Variants in CHSY3 observed in about 807,000 individuals in gnomAD.
The protein encoded by CHSY3 is chondroitin sulfate synthase 3, also known as N-acetylgalactosaminyl-proteoglycan 3-beta-glucuronosyltransferase 3.
In CHSY3, 35 loss-of-function variants were observed where a neutral mutation model predicts 67.2. The ratio of observed to expected loss-of-function variants is 0.52; its 90% CI spans 0.40 to 0.69. The LOEUF (loss-of-function observed/expected upper bound fraction) is 0.69, where lower values mean the gene tolerates loss of function less well. Among genes scored for constraint, CHSY3 ranks in the 30% least tolerant of loss-of-function variants. The pLI is 0.00. For missense variants in CHSY3, 1,069 were observed against 1,138.5 expected, an observed-to-expected ratio of 0.94 and a Z score of 0.88; for synonymous variants, 474 against 434.7, an observed-to-expected ratio of 1.09 and a Z score of -1.12.
intron 2 of CHSY3, chr5:130,001,837 C>A: frequency 1.2e-6 from 1 of 864,316 alleles, no homozygotes; most frequent in Non-Finnish European, 1.4e-6. Flanking sequence ...CTGTAACTGA[C>A]ATTCAGAAAT....
chr5:130,089,608 A>G (rs1169352563), intron 2 of CHSY3, among the ~76,000 whole-genome samples: 1 of 152,152 alleles, frequency 6.6e-6, no homozygotes, highest in Non-Finnish European at 1.5e-5. Flanking sequence ...GTTGAAAAAT[A>G]TTTGTTAAAT....
intron 2 of CHSY3, among the ~76,000 whole-genome samples, chr5:130,045,872 G>A (rs1220603231): frequency 6.6e-6 from 1 of 152,026 alleles, no homozygotes; most frequent in African/African-American, 2.4e-5. Context: ...AAACTTGATT[G>A]CTATGGTAAT....
At chr5:130,085,371 A>C (rs1766581645) in intron 2 of CHSY3, among the ~76,000 whole-genome samples, 1 of 152,064 alleles carries the variant, frequency 6.6e-6, no homozygotes, top group Non-Finnish European at 1.5e-5. Context: ...CAGTGTCAGA[A>C]AAAATAGTCT....
chr5:130,166,463 C>T (rs1002568556), intron 2 of CHSY3, among the ~76,000 whole-genome samples: 2 of 152,090 alleles, frequency 1.3e-5, no homozygotes, highest in African/African-American at 4.8e-5. Flanking sequence ...TATACTTAGT[C>T]TCCAGTAAGG....
chr5:130,140,993 G>A, intron 2 of CHSY3: 1 of 483,762 alleles, frequency 2.1e-6, no homozygotes, highest in Non-Finnish European at 2.8e-6. Context: ...CCTTGGAAAT[G>A]CCAAACTAGA....
chr5:130,081,041 A>G (rs1483338196), intron 2 of CHSY3, among the ~76,000 whole-genome samples: 9 of 152,034 alleles, frequency 5.9e-5, no homozygotes, highest in Non-Finnish European at 7.4e-5. Context: ...GGGGAATTCA[A>G]TGGGCTTGAA....
chr5:130,108,636 G>C (rs1414000838), intron 2 of CHSY3, among the ~76,000 whole-genome samples: 1 of 151,504 alleles, frequency 6.6e-6, no homozygotes, highest in African/African-American at 2.4e-5. Flanking sequence ...GTTATTGGAA[G>C]GTTTTATCAA....
At chr5:130,075,231 CT>C (rs2149683706) in intron 2 of CHSY3, among the ~76,000 whole-genome samples, 1 of 152,160 alleles carries the variant, frequency 6.6e-6, no homozygotes, top group South Asian at 2.1e-4. Context: ...AGTCAAACAC[CT>C]TTTTATAATC....
chr5:130,075,344 TA>T (rs1170050472), intron 2 of CHSY3, among the ~76,000 whole-genome samples: 2 of 152,180 alleles, frequency 1.3e-5, no homozygotes, highest in Non-Finnish European at 2.9e-5. Flanking sequence ...TAAAGCAATA[TA>T]AAATTCAAAG....
intron 2 of CHSY3, among the ~76,000 whole-genome samples, chr5:130,011,985 T>C (rs537915940): frequency 6.6e-6 from 1 of 152,244 alleles, no homozygotes; most frequent in East Asian, 1.9e-4. Flanking sequence ...TGGAAAAACA[T>C]CCCATGCTCA....
chr5:129,957,537 GA>G (rs1408151327), intron 2 of CHSY3, among the ~76,000 whole-genome samples: 4 of 152,126 alleles, frequency 2.6e-5, no homozygotes, highest in Admixed American at 1.3e-4. Flanking sequence ...CTGCAAGTAT[GA>G]AAGTATCTGT....
chr5:130,037,502 A>T (rs1764893317), intron 2 of CHSY3, among the ~76,000 whole-genome samples: 1 of 152,120 alleles, frequency 6.6e-6, no homozygotes, highest in South Asian at 2.1e-4. Context: ...AAAGCTTTTA[A>T]ATCAGTAAGA....
intron 2 of CHSY3, among the ~76,000 whole-genome samples, chr5:129,990,624 AT>A (rs989512892): frequency 6.6e-6 from 1 of 152,146 alleles, no homozygotes; most frequent in African/African-American, 2.4e-5. Flanking sequence ...TTCCAGTAGC[AT>A]TTTTATCAGA....
chr5:129,958,248 G>T (rs2149605803), intron 2 of CHSY3, among the ~76,000 whole-genome samples: 1 of 152,022 alleles, frequency 6.6e-6, no homozygotes. Flanking sequence ...GTTGATTCTT[G>T]GTTTTCATCT....
chr5:129,985,631 A>G lies in CHSY3; in HGVS notation c.1086+77271A>G, dbSNP rs142036364. Reference sequence around the variant, plus strand: ...TTCCTTTGTGCAGTATGGCCATTTTAACGCTATTGATTCTTTCTATCCATG... The same window carrying G: ...TTCCTTTGTGCAGTATGGCCATTTTGACGCTATTGATTCTTTCTATCCATG... On this transcript the variant is annotated intron_variant, in intron 2 of 2. Coordinates refer to ENST00000305031, the MANE Select transcript of CHSY3 (RefSeq NM_175856.5). 3.6e-3 allele frequency among the ~76,000 whole-genome samples: 549 copies of G among 152,162 alleles called. 4 individuals are homozygous for G. The highest frequency in any genetic ancestry group is 0.013 in the African/African-American group (520 of 41,518).
chr5:130,018,203 T>C (rs1764267782), intron 2 of CHSY3, among the ~76,000 whole-genome samples: 1 of 151,892 alleles, frequency 6.6e-6, no homozygotes, highest in East Asian at 1.9e-4. Flanking sequence ...GTTAATCTTA[T>C]TTTTTACAAA....
chr5:130,130,777 C>T (rs1211176011), intron 2 of CHSY3, among the ~76,000 whole-genome samples: 1 of 152,188 alleles, frequency 6.6e-6, no homozygotes, highest in African/African-American at 2.4e-5. Flanking sequence ...CAAACCTCCA[C>T]AGAGGTGTTC....
intron 2 of CHSY3, among the ~76,000 whole-genome samples, chr5:130,149,450 G>T (rs973630292): frequency 2.6e-5 from 4 of 152,064 alleles, no homozygotes; most frequent in African/African-American, 4.8e-5. Flanking sequence ...ATGGGGGACG[G>T]GAGGTGCCAC....
intron 2 of CHSY3, among the ~76,000 whole-genome samples, chr5:130,005,344 G>A (rs1378916783): frequency 6.6e-6 from 1 of 152,018 alleles, no homozygotes; most frequent in Non-Finnish European, 1.5e-5. Context: ...GAACCCGGGA[G>A]GCAGAGGTTG....
Sources: allele counts gnomAD v4.1 joint callset (sites outside exome capture counted in the v4.1 genomes callset), GRCh38; gene constraint gnomAD v4.1.1; transcripts MANE v1.5; gene names NCBI Gene and HGNC (gene_info 2026-07-23, HGNC 2026-07-21).